MACF1: variants seen among roughly 807,000 people sequenced by gnomAD.
The protein encoded by MACF1 is microtubule-actin cross-linking factor 1.
Under a neutral mutation model 854.8 loss-of-function variants are expected in MACF1, and 193 were observed. That is an observed-to-expected ratio of 0.23 (90% CI 0.20 to 0.25). The LOEUF (loss-of-function observed/expected upper bound fraction) is 0.25, where lower values mean the gene tolerates loss of function less well. Among genes scored for constraint, MACF1 ranks in the 10% least tolerant of loss-of-function variants. The probability of loss-of-function intolerance (pLI) is 1.00; values close to 1 mark genes in which losing one functional copy is unlikely to be tolerated. For missense variants in MACF1, 7,722 were observed against 8,929.1 expected, an observed-to-expected ratio of 0.86 and a Z score of 5.45; for synonymous variants, 3,185 against 3,226.7, an observed-to-expected ratio of 0.99 and a Z score of 0.44.
rs749029947 is a variant in MACF1 at position 39,385,690 on chromosome 1, T to C, written c.14105T>C (p.Val4702Ala). ...LQDLSEKVRA[V>A]GQRLSVQSAI... ...GACTTATCAGAGAAGGTGAGGGCAG[T>C]TGGACAACGGCTGAGTGTCCAGTCA... is the stretch of plus-strand genomic sequence containing the variant. The change falls in exon 57 of 101, where the codon GTT becomes GCT. Residue 4702 changes from valine (V) to alanine (A), a missense_variant. Val to Ala is a moderately conservative substitution (Grantham distance 64, BLOSUM62 0). Transcript: ENST00000564288. 3.1e-6 allele frequency: 5 copies of C among 1,614,028 alleles called. No homozygotes were observed. Among genetic ancestry groups the C allele is most frequent in the Middle Eastern group, 1.6e-4 (1 of 6,084 alleles).
At chr1:39,293,419 AG>A (rs1645836031) in intron 17 of MACF1, 38 bp from the exon 18 acceptor site, 1 of 1,555,366 alleles carries the variant, frequency 6.4e-7, no homozygotes. Flanking sequence ...ACAGATACAA[AG>A]GCTGCCAGTC....
intron 2 of MACF1, among the ~76,000 whole-genome samples, chr1:39,099,130 G>A (rs1004062567): frequency 6.6e-6 from 1 of 152,056 alleles, no homozygotes; most frequent in African/African-American, 2.4e-5. Flanking sequence ...GTGCATGTGT[G>A]CACACACACA....
chr1:39,408,834 C>A (rs1280013955), intron 58 of MACF1, among the ~76,000 whole-genome samples: 1 of 151,936 alleles, frequency 6.6e-6, no homozygotes, highest in Non-Finnish European at 1.5e-5. Context: ...CCGGGTCTCT[C>A]GCTCCGAATC....
intron 2 of MACF1, among the ~76,000 whole-genome samples, chr1:39,107,586 C>CT: frequency 6.6e-6 from 1 of 152,244 alleles, no homozygotes; most frequent in Middle Eastern, 3.4e-3. Flanking sequence ...GCATCCGGGC[C>CT]TTTGTTACTT....
intron 2 of MACF1, among the ~76,000 whole-genome samples, chr1:39,172,799 A>T (rs1464643811): frequency 6.6e-6 from 1 of 152,194 alleles, no homozygotes; most frequent in Non-Finnish European, 1.5e-5. Flanking sequence ...AGACTTTATT[A>T]TAGTAACGTT....
intron 2 of MACF1, among the ~76,000 whole-genome samples, chr1:39,187,051 G>GT (rs1644183411): frequency 6.8e-6 from 1 of 148,050 alleles, no homozygotes; most frequent in Non-Finnish European, 1.5e-5. Context: ...TTAGGGTTTA[G>GT]TTTTTTTATT....
intron 2 of MACF1, among the ~76,000 whole-genome samples, chr1:39,187,093 C>T (rs961108626): frequency 4.0e-5 from 6 of 151,518 alleles, no homozygotes; most frequent in African/African-American, 7.3e-5. Flanking sequence ...CTTTCTCTTC[C>T]CCCTTCTTCC....
At chr1:39,321,548 T>C (rs2148453258) in intron 31 of MACF1, among the ~76,000 whole-genome samples, 1 of 152,286 alleles carries the variant, frequency 6.6e-6, no homozygotes, top group East Asian at 1.9e-4. Context: ...TACTTGATTA[T>C]ATGAGGAAAT....
intron 2 of MACF1, among the ~76,000 whole-genome samples, chr1:39,178,181 C>CTTTT (rs67390335): frequency 2.2e-5 from 3 of 137,618 alleles, no homozygotes; most frequent in Non-Finnish European, 3.1e-5. Flanking sequence ...TTTCAACATT[C>CTTTT]TTTTTTTTTT....
intron 43 of MACF1, among the ~76,000 whole-genome samples, chr1:39,351,722 G>C (rs749793271): frequency 1.6e-4 from 24 of 151,696 alleles, no homozygotes; most frequent in Non-Finnish European, 3.4e-4. Flanking sequence ...GAGTAGCTGG[G>C]ACTACAGATG....
At chr1:39,337,115 T>C (rs1646824770) in intron 37 of MACF1, 67 bp from the exon 38 acceptor site, 12 of 1,500,398 alleles carry the variant, frequency 8.0e-6, no homozygotes, top group Admixed American at 4.2e-5. Context: ...CAAAAACCCC[T>C]GCCTGCTTTA....
Position 39,465,079 on chromosome 1 carries a change from T to C in MACF1, c.21754-16T>C, listed in dbSNP as rs757085833. ...TCCCCTCCTTTCCTCCATCCTTTACTCTTTACTGTCTATAGTTCTTCCTCG... is the reference window on the plus strand; with the variant it reads ...TCCCCTCCTTTCCTCCATCCTTTACCCTTTACTGTCTATAGTTCTTCCTCG... On this transcript the variant is annotated splice_polypyrimidine_tract_variant and intron_variant, in intron 94 of 100. Transcript: ENST00000564288. 35 of 1,609,404 alleles carry C rather than the reference T, an allele frequency of 2.2e-5. No individual in the cohort carries two copies. The highest frequency in any genetic ancestry group is 2.9e-5 in the Non-Finnish European group (34 of 1,177,454).
chr1:39,287,007 C>T (rs1464975159), intron 14 of MACF1, among the ~76,000 whole-genome samples: 1 of 151,676 alleles, frequency 6.6e-6, no homozygotes, highest in Non-Finnish European at 1.5e-5. Context: ...GTCACCCAGG[C>T]TGGGACGCAG....
At chr1:39,167,725 T>G (rs1643896788) in intron 2 of MACF1, among the ~76,000 whole-genome samples, 1 of 149,816 alleles carries the variant, frequency 6.7e-6, no homozygotes. Context: ...AAAAAAAAAA[T>G]TAGCTGGGTG....
At chr1:39,134,588 C>T (rs1402724393) in intron 2 of MACF1, among the ~76,000 whole-genome samples, 3 of 152,072 alleles carry the variant, frequency 2.0e-5, no homozygotes, top group Non-Finnish European at 2.9e-5. Flanking sequence ...GTCATGTAAC[C>T]CCTTTCAACT....
At position 39,451,215 on chromosome 1, in the gene MACF1, G is replaced by A. The variant is rs1217981664; in HGVS notation, c.20418+4G>A. On this transcript the variant is annotated splice_donor_region_variant and intron_variant, in intron 85 of 100. Transcript: ENST00000564288. Reference sequence around the variant, plus strand: ...GAACCTCATGGATGCACACAAGGTAGGGGTGAGGTCTGGGCTACATTGGAG... The same window carrying A: ...GAACCTCATGGATGCACACAAGGTAAGGGTGAGGTCTGGGCTACATTGGAG... 3 of 1,613,420 alleles carry A rather than the reference G, an allele frequency of 1.9e-6. No individual in the cohort carries two copies. The highest frequency in any genetic ancestry group is 2.2e-5 in the South Asian group (2 of 90,932).
chr1:39,335,497 G>A lies in MACF1; in HGVS notation c.8909G>A (p.Arg2970Gln), dbSNP rs530899566. The A allele has an allele frequency of 3.7e-6, 6 of 1,614,090 alleles. No homozygotes were observed. Among genetic ancestry groups the A allele is most frequent in the Non-Finnish European group, 5.1e-6 (6 of 1,179,990 alleles). Residue 2970 changes from arginine to glutamine, a missense_variant, in exon 37 of 101, where the codon CGG becomes CAG. This residue lies in a region of MACF1 where 854 missense variants were observed against 852.6 expected (regional missense o/e 1.00). Transcript: ENST00000564288. ...GTTTTGCAGCAACCAATGAATGCTC[G>A]GGTGAAAAGTAAGAGAGAGAAGAGG... is the stretch of plus-strand genomic sequence containing the variant. ...EQVLQQPMNA[R>Q]VKSKREKREV...
chr1:39,410,585 A>G (rs79076711), intron 58 of MACF1: 4 of 1,613,964 alleles, frequency 2.5e-6, no homozygotes, highest in African/African-American at 1.3e-5. Context: ...CTAAGCAGTG[A>G]TGTGCAGAAG....
At chr1:39,298,980 G>A (rs1244945305) in intron 21 of MACF1, among the ~76,000 whole-genome samples, 1 of 152,070 alleles carries the variant, frequency 6.6e-6, no homozygotes, top group East Asian at 1.9e-4. Context: ...AGTCACCTGG[G>A]TCTGCTCCTC....
Sources: gnomAD v4.1 joint callset for allele counts (sites outside exome capture counted in the v4.1 genomes callset) on GRCh38, gnomAD v4.1.1 for gene constraint, gnomAD v4.1.1 regional missense constraint, MANE v1.5 for transcripts, NCBI Gene and HGNC (gene_info 2026-07-23, HGNC 2026-07-21) for gene names.